The following CSMD1 variants were observed in gnomAD, a reference collection of about 807,000 sequenced individuals.
CSMD1 encodes CUB and sushi domain-containing protein 1.
CSMD1 carries 213 observed loss-of-function variants against 417.5 expected under a neutral mutation model. The ratio of observed to expected loss-of-function variants is 0.51; its 90% CI spans 0.46 to 0.57. The LOEUF is 0.57. Among genes scored for constraint, CSMD1 ranks in the 20% least tolerant of loss-of-function variants. CSMD1 has a pLI of 0.00. For synonymous variants in CSMD1, 2,862 were observed against 1,736.8 expected (o/e 1.65, Z -16.11); for missense variants, 6,923 against 4,529.7 (o/e 1.53, Z -15.17).
intron 1 of CSMD1, among the ~76,000 whole-genome samples, chr8:4,784,903 T>C (rs964447592): frequency 6.6e-6 from 1 of 152,234 alleles, no homozygotes; most frequent in Admixed American, 6.5e-5. Flanking sequence ...AATCTCATAC[T>C]GACAGCATTG....
At chr8:3,408,838 T>G (rs960407285) in intron 13 of CSMD1, among the ~76,000 whole-genome samples, 1 of 152,168 alleles carries the variant, frequency 6.6e-6, no homozygotes, top group Admixed American at 6.5e-5. Flanking sequence ...CTGTTGGATT[T>G]ATCTCTAGAA....
chr8:4,974,758 T>A (rs1810448115), intron 1 of CSMD1, among the ~76,000 whole-genome samples: 1 of 152,144 alleles, frequency 6.6e-6, no homozygotes, highest in Non-Finnish European at 1.5e-5. Flanking sequence ...GACTAGAAGG[T>A]GATTTTTTGA....
At chr8:4,988,161 T>G (rs996331232) in intron 1 of CSMD1, among the ~76,000 whole-genome samples, 49 of 152,232 alleles carry the variant, frequency 3.2e-4, no homozygotes, top group African/African-American at 1.1e-3. Context: ...GTTCTTGATC[T>G]CATGTCTATT....
intron 1 of CSMD1, among the ~76,000 whole-genome samples, chr8:4,746,366 C>A (rs79774826): frequency 0.015 from 2,223 of 152,236 alleles, 58 homozygotes; most frequent in African/African-American, 0.052. Flanking sequence ...TGGTTTTAAG[C>A]GTTAGTCCTT....
At chr8:4,736,746 T>A (rs990377021) in intron 1 of CSMD1, among the ~76,000 whole-genome samples, 7 of 152,158 alleles carry the variant, frequency 4.6e-5, no homozygotes, top group African/African-American at 1.7e-4. Flanking sequence ...ACTGCAAACT[T>A]TGGAAGCAGG....
rs183453213 is a variant in CSMD1 at position 4,525,652 on chromosome 8, C to T, written c.303-105587G>A. Among the ~76,000 whole-genome samples the T allele has an allele frequency of 2.1e-3, 325 of 152,122 alleles. 3 individuals carry two copies. The highest frequency in any genetic ancestry group is 7.6e-3 in the African/African-American group (316 of 41,496). Reference sequence around the variant, plus strand: ...CGGTTTTTGTCATTACTTTTAAATGCCACAACCACAATTACTTTTGCACCA... The same window carrying T: ...CGGTTTTTGTCATTACTTTTAAATGTCACAACCACAATTACTTTTGCACCA... On this transcript the variant is annotated intron_variant, in intron 2 of 69. Coordinates refer to ENST00000635120, the MANE Select transcript of CSMD1 (RefSeq NM_033225.6).
intron 10 of CSMD1, among the ~76,000 whole-genome samples, chr8:3,506,218 G>A (rs749262242): frequency 5.3e-5 from 8 of 152,266 alleles, no homozygotes; most frequent in South Asian, 2.1e-4. Flanking sequence ...CAGGGAGACG[G>A]CCCTGGGGGA....
At chr8:4,137,285 T>G (rs1171758121) in intron 3 of CSMD1, among the ~76,000 whole-genome samples, 2 of 152,196 alleles carry the variant, frequency 1.3e-5, no homozygotes, top group African/African-American at 4.8e-5. Context: ...ATGGTCTAAT[T>G]TTAATCAAAA....
chr8:3,123,810 C>G (rs576180367), intron 41 of CSMD1, among the ~76,000 whole-genome samples: 3 of 152,174 alleles, frequency 2.0e-5, no homozygotes, highest in Admixed American at 6.5e-5. Context: ...TCACTTAAAA[C>G]AGCGTTTAAC....
intron 5 of CSMD1, among the ~76,000 whole-genome samples, chr8:3,863,141 T>C (rs768908888): frequency 1.3e-5 from 2 of 152,130 alleles, no homozygotes; most frequent in African/African-American, 4.8e-5. Context: ...CTAATGCCTG[T>C]AATCCCAGCA....
intron 7 of CSMD1, among the ~76,000 whole-genome samples, chr8:3,657,034 G>A (rs1798145603): frequency 6.8e-6 from 1 of 146,510 alleles, no homozygotes. Context: ...ACAGGAAAGT[G>A]TCTGCCAGGG....
intron 2 of CSMD1, among the ~76,000 whole-genome samples, chr8:4,549,896 C>CAAAAA (rs777040766): frequency 6.9e-3 from 610 of 87,966 alleles, no homozygotes; most frequent in East Asian, 0.013. Context: ...GACTTTGTCT[C>CAAAAA]AAAAAAAAAA....
chr8:3,393,123 T>C (rs1441543494), intron 17 of CSMD1, among the ~76,000 whole-genome samples: 1 of 152,102 alleles, frequency 6.6e-6, no homozygotes, highest in Non-Finnish European at 1.5e-5. Flanking sequence ...TATCACATCC[T>C]TCTGAGGTCC....
intron 23 of CSMD1, among the ~76,000 whole-genome samples, chr8:3,331,236 TCA>T (rs1806874898): frequency 1.3e-5 from 1 of 77,108 alleles, no homozygotes; most frequent in Non-Finnish European, 2.4e-5. Context: ...AGACTCCGTC[TCA>T]AAAAAAAAAA....
chr8:4,454,775 C>T (rs773568167), intron 2 of CSMD1, among the ~76,000 whole-genome samples: 4 of 152,180 alleles, frequency 2.6e-5, no homozygotes, highest in Non-Finnish European at 5.9e-5. Context: ...AATAGCCATT[C>T]TAAAGGCACT....
intron 3 of CSMD1, among the ~76,000 whole-genome samples, chr8:4,083,479 G>T (rs1307444378): frequency 6.6e-6 from 1 of 152,138 alleles, no homozygotes; most frequent in Non-Finnish European, 1.5e-5. Context: ...CATGGTACTG[G>T]TACCAAAACA....
At chr8:3,891,186 C>A (rs1460332446) in intron 5 of CSMD1, among the ~76,000 whole-genome samples, 1 of 152,060 alleles carries the variant, frequency 6.6e-6, no homozygotes, top group Admixed American at 6.6e-5. Context: ...GCTGGGACCA[C>A]AGGCATGTGC....
chr8:4,405,351 GA>G (rs1295329611), intron 3 of CSMD1, among the ~76,000 whole-genome samples: 1 of 151,594 alleles, frequency 6.6e-6, no homozygotes, highest in African/African-American at 2.4e-5. Context: ...AATTTCCTAA[GA>G]ATAGAAATGG....
chr8:3,284,715 G>C (rs1356858666), intron 25 of CSMD1: 3 of 224,312 alleles, frequency 1.3e-5, no homozygotes, highest in African/African-American at 4.6e-5. Context: ...GTTTGAAGCA[G>C]ATGGAAGGCA....
Sources: allele counts gnomAD v4.1 joint callset (sites outside exome capture counted in the v4.1 genomes callset), GRCh38; gene constraint gnomAD v4.1.1; transcripts MANE v1.5; gene names NCBI Gene and HGNC (gene_info 2026-07-23, HGNC 2026-07-21).